The following TJP2 variants were observed in gnomAD, a reference collection of about 807,000 sequenced individuals.
TJP2 encodes the protein Friedreich ataxia region gene X104 (tight junction protein ZO-2).
TJP2 carries 91 observed loss-of-function variants against 133.1 expected under a neutral mutation model. The ratio of observed to expected loss-of-function variants is 0.68; its 90% CI spans 0.58 to 0.81. The LOEUF is 0.81. Ranked by LOEUF, TJP2 falls within the 40% of genes least tolerant of loss-of-function variation. TJP2 has a pLI of 0.00. For missense variants in TJP2, 1,541 were observed against 1,565.6 expected, an observed-to-expected ratio of 0.98 and a Z score of 0.26; for synonymous variants, 592 against 583.4, an observed-to-expected ratio of 1.01 and a Z score of -0.21.
intron 2 of TJP2, among the ~76,000 whole-genome samples, chr9:69,156,405 A>G (rs1823760023): frequency 5.3e-5 from 8 of 152,168 alleles, no homozygotes; most frequent in Admixed American, 5.2e-4. Context: ...CCAAGGTTAC[A>G]GGACATGCCC....
intron 1 of TJP2, among the ~76,000 whole-genome samples, chr9:69,196,946 T>TAC (rs746386691): frequency 0.03 from 3,980 of 134,184 alleles, 125 homozygotes; most frequent in African/African-American, 0.075. Context: ...TGTGTGTGTG[T>TAC]ACACACACAC....
rs1831570604 is a variant in TJP2 at position 69,254,537 on chromosome 9, A to C, written c.*163A>C. The C allele has an allele frequency of 1.1e-6, 1 of 874,444 alleles. No homozygotes were observed. Among genetic ancestry groups the C allele is most frequent in the African/African-American group, 1.7e-5 (1 of 60,316 alleles). The allele number at this position is 874,444 out of a possible 1,614,324, so 54.2% of individuals were successfully genotyped here. On this transcript the variant is annotated 3_prime_UTR_variant, in exon 23 of 23. Coordinates refer to ENST00000377245, the MANE Select transcript of TJP2 (RefSeq NM_004817.4). ...GAGAACCCAGGGGACAGCTGGTGCA[A>C]ATTCAGAACTGAGGGCTCTGTTTGT...
chr9:69,148,592 A>G (rs1375675667), intron 1 of TJP2, among the ~76,000 whole-genome samples: 1 of 151,178 alleles, frequency 6.6e-6, no homozygotes, highest in Non-Finnish European at 1.5e-5. Flanking sequence ...CTAGTCTCGA[A>G]CTCCTGACCC....
At chr9:69,157,655 G>A (rs559824393) in intron 2 of TJP2, among the ~76,000 whole-genome samples, 6 of 152,126 alleles carry the variant, frequency 3.9e-5, no homozygotes, top group East Asian at 3.9e-4. Context: ...TAGTGGAGAC[G>A]GGTTTCCCAT....
intron 1 of TJP2, among the ~76,000 whole-genome samples, chr9:69,191,873 A>T (rs990509440): frequency 3.3e-5 from 5 of 151,768 alleles, no homozygotes; most frequent in Non-Finnish European, 5.9e-5. Flanking sequence ...ACTACCTGGG[A>T]TTATAGGCAC....
At chr9:69,128,863 T>G (rs1021019906) in intron 1 of TJP2, among the ~76,000 whole-genome samples, 6 of 152,212 alleles carry the variant, frequency 3.9e-5, no homozygotes, top group Admixed American at 6.5e-5. Flanking sequence ...CTTGATTCTT[T>G]TCCAAGGGAA....
At chr9:69,142,902 G>A (rs1823070575) in intron 1 of TJP2, among the ~76,000 whole-genome samples, 1 of 152,140 alleles carries the variant, frequency 6.6e-6, no homozygotes, top group Non-Finnish European at 1.5e-5. Flanking sequence ...AGAATTGTAA[G>A]GGAATTAACC....
intron 1 of TJP2, among the ~76,000 whole-genome samples, chr9:69,137,823 A>T (rs986755193): frequency 2.6e-5 from 4 of 151,978 alleles, no homozygotes; most frequent in African/African-American, 9.7e-5. Context: ...CTCTACTTTG[A>T]CAGGTAATAT....
chr9:69,153,077 A>G (rs1823566725), intron 2 of TJP2, among the ~76,000 whole-genome samples: 1 of 151,782 alleles, frequency 6.6e-6, no homozygotes, highest in Non-Finnish European at 1.5e-5. Context: ...AAAAATAATA[A>G]TAATAATTTG....
intron 2 of TJP2, among the ~76,000 whole-genome samples, chr9:69,159,122 T>G (rs1160005204): frequency 6.6e-6 from 1 of 151,648 alleles, no homozygotes; most frequent in African/African-American, 2.4e-5. Context: ...CTGGGCAACA[T>G]GGAGAAACTC....
At chr9:69,209,808 G>A (rs1360511567) in intron 1 of TJP2, among the ~76,000 whole-genome samples, 1 of 151,846 alleles carries the variant, frequency 6.6e-6, no homozygotes, top group Non-Finnish European at 1.5e-5. Context: ...TTAAAATATT[G>A]GAAAATTTAT....
At chr9:69,148,763 A>G (rs1463637436) in intron 1 of TJP2, among the ~76,000 whole-genome samples, 1 of 152,200 alleles carries the variant, frequency 6.6e-6, no homozygotes, top group Non-Finnish European at 1.5e-5. Flanking sequence ...ACGAATGGCT[A>G]CCAACCGACA....
At position 69,226,180 on chromosome 9, in the gene TJP2, A is replaced by AG; in HGVS notation, c.1210+7dup. Reference sequence around the variant, plus strand: ...ACAGTGACTCAGAAATAGAAGGTAAAGGAAGAGGAGGCTGTGAGCTTAGCT... The same window carrying AG: ...ACAGTGACTCAGAAATAGAAGGTAAAGGGAAGAGGAGGCTGTGAGCTTAGCT... On this transcript the variant is annotated splice_donor_region_variant and intron_variant, in intron 7 of 22. Coordinates refer to ENST00000377245, the MANE Select transcript of TJP2 (RefSeq NM_004817.4). The AG allele has an allele frequency of 6.2e-7, 1 of 1,614,014 alleles. No individual in the cohort carries two copies. The highest frequency in any genetic ancestry group is 8.5e-7 in the Non-Finnish European group (1 of 1,179,974).
chr9:69,221,737 G>A (rs1828882296), intron 5 of TJP2, among the ~76,000 whole-genome samples: 1 of 151,602 alleles, frequency 6.6e-6, no homozygotes, highest in Admixed American at 6.6e-5. Flanking sequence ...GTTTTTAGTG[G>A]AGACAGGTTT....
intron 17 of TJP2, among the ~76,000 whole-genome samples, chr9:69,245,125 G>C (rs9314671): frequency 0.75 from 113,525 of 152,164 alleles, 42,471 homozygotes; most frequent in South Asian, 0.78. Context: ...AATAGGAATA[G>C]AGAAGTCCGT....
chr9:69,252,697 A>G, intron 21 of TJP2, 118 bp from the exon 22 acceptor site: 2 of 959,126 alleles, frequency 2.1e-6, no homozygotes, highest in Non-Finnish European at 3.3e-6. Flanking sequence ...TCTTCTTGAA[A>G]TGGGATGGGA....
At chr9:69,192,675 T>G (rs1826282592) in intron 1 of TJP2, among the ~76,000 whole-genome samples, 1 of 152,182 alleles carries the variant, frequency 6.6e-6, no homozygotes, top group African/African-American at 2.4e-5. Context: ...CTCAGAATGT[T>G]TAGTAAACAT....
chr9:69,151,599 A>G (rs904342100), intron 1 of TJP2: 4 of 1,231,446 alleles, frequency 3.2e-6, no homozygotes, highest in Non-Finnish European at 4.0e-6. Flanking sequence ...CCAAAATCTT[A>G]CCATTGCAGG....
At position 69,219,854 on chromosome 9, in the gene TJP2, C is replaced by T. The variant is rs1317161980; in HGVS notation, c.343-1033C>T. On this transcript the variant is annotated intron_variant, in intron 4 of 22. Coordinates refer to ENST00000377245, the MANE Select transcript of TJP2 (RefSeq NM_004817.4). ...TCTTTCCCCTTGCCCCTCTACCCCA[C>T]CCCCCACTTTAAAAATGGCATTGGG... is the stretch of plus-strand genomic sequence containing the variant. Among the ~76,000 whole-genome samples the T allele has an allele frequency of 2.0e-5, 3 of 151,710 alleles. No homozygotes were observed. In the Admixed American group the frequency reaches 2.0e-4, roughly 10 times the overall value.
Sources: allele counts gnomAD v4.1 joint callset (sites outside exome capture counted in the v4.1 genomes callset), GRCh38; gene constraint gnomAD v4.1.1; transcripts MANE v1.5; gene names NCBI Gene and HGNC (gene_info 2026-07-23, HGNC 2026-07-21).